The following TBC1D21 variants were observed in gnomAD, a reference collection of about 807,000 sequenced individuals.
TBC1D21 encodes male germ cell Rab GTPase-activating protein.
In TBC1D21, 38 loss-of-function variants were observed where a neutral mutation model predicts 46.0. That is an observed-to-expected ratio of 0.83 (90% confidence interval 0.64 to 1.08). TBC1D21 has a LOEUF of 1.08. TBC1D21 is among the 50% of genes least tolerant of loss of function. The probability of loss-of-function intolerance (pLI) is 0.00; values close to 1 mark genes in which losing one functional copy is unlikely to be tolerated. For missense variants in TBC1D21, 415 were observed against 417.9 expected, an observed-to-expected ratio of 0.99 and a Z score of 0.06; for synonymous variants, 151 against 157.2, an observed-to-expected ratio of 0.96 and a Z score of 0.29.
chr15:73,877,993 C>G (rs2068095728), intron 1 of TBC1D21, among the ~76,000 whole-genome samples: 1 of 152,220 alleles, frequency 6.6e-6, no homozygotes, highest in Non-Finnish European at 1.5e-5. Flanking sequence ...TGCTGCTCCT[C>G]TAAGATGAGG....
chr15:73,875,246 C>CAAA (rs36042249), intron 1 of TBC1D21, among the ~76,000 whole-genome samples: 4 of 102,606 alleles, frequency 3.9e-5, no homozygotes, highest in Non-Finnish European at 5.7e-5. Context: ...GAGACTCCAT[C>CAAA]AAAAAAAAAA....
At position 73,885,062 on chromosome 15, in the gene TBC1D21, C is replaced by T. The variant is rs2068220565; in HGVS notation, c.538C>T (p.His180Tyr). ...MLFQLMVEHDHETFWLFQFFL... is the reference protein window; with the variant it reads ...MLFQLMVEHDYETFWLFQFFL... Reference sequence around the variant, plus strand: ...CTTCCAGCTGATGGTGGAGCACGACCACGAGACCTTCTGGCTTTTCCAGTT... The same window carrying T: ...CTTCCAGCTGATGGTGGAGCACGACTACGAGACCTTCTGGCTTTTCCAGTT... The change falls in exon 6 of 11, where the codon CAC becomes TAC. Residue 180 changes from histidine to tyrosine, a missense_variant. Physicochemically the swap from His to Tyr is moderately conservative, Grantham distance 83 (BLOSUM62 2). Coordinates refer to ENST00000300504, the MANE Select transcript of TBC1D21 (RefSeq NM_153356.3). 1.9e-6 allele frequency: 3 copies of T among 1,613,450 alleles called. No homozygotes were observed. Among genetic ancestry groups the T allele is most frequent in the Admixed American group, 3.3e-5 (2 of 59,988 alleles).
Position 73,881,626 on chromosome 15 carries a change from C to T in TBC1D21, c.169-18C>T. ...CATCGATAGAGCCCATGACCTCCAC[C>T]TCCCACCCCCACCCCAGGGTCTGCA... On this transcript the variant is annotated intron_variant, in intron 2 of 10. Transcript: ENST00000300504. The T allele has an allele frequency of 1.2e-6, 2 of 1,611,770 alleles. No homozygotes were observed. The highest frequency in any genetic ancestry group is 2.2e-5 in the East Asian group (1 of 44,810).
intron 1 of TBC1D21, among the ~76,000 whole-genome samples, chr15:73,878,626 T>C (rs1231088951): frequency 6.6e-6 from 1 of 152,170 alleles, no homozygotes; most frequent in Non-Finnish European, 1.5e-5. Flanking sequence ...TTAAAAGACC[T>C]ACATAAACAG....
chr15:73,889,063 C>T lies in TBC1D21; in HGVS notation c.979-6C>T, dbSNP rs550449509. The T allele has an allele frequency of 1.2e-6, 2 of 1,613,516 alleles. No homozygotes were observed. Among genetic ancestry groups the T allele is most frequent in the Admixed American group, 1.7e-5 (1 of 59,960 alleles). On this transcript the variant is annotated splice_polypyrimidine_tract_variant and splice_region_variant and intron_variant, in intron 10 of 10. Coordinates refer to ENST00000300504, the MANE Select transcript of TBC1D21 (RefSeq NM_153356.3). ...TCTGTGCACCTCCCACCTGCCTCCT[C>T]CCTAGGTTCCTCAGACATTAAAGGA... is the stretch of plus-strand genomic sequence containing the variant.
the TBC1D21 span, among the ~76,000 whole-genome samples, chr15:73,897,799 C>G: frequency 1.3e-5 from 2 of 152,232 alleles, no homozygotes; most frequent in East Asian, 1.9e-4. Flanking sequence ...AGAGGCCCTA[C>G]GCCTTGTACT....
At chr15:73,887,228 T>C (rs1427801605) in intron 8 of TBC1D21, among the ~76,000 whole-genome samples, 1 of 152,196 alleles carries the variant, frequency 6.6e-6, no homozygotes, top group East Asian at 1.9e-4. Flanking sequence ...CCCAAGTCCA[T>C]GACCACACCC....
the TBC1D21 span, among the ~76,000 whole-genome samples, chr15:73,905,638 C>T: frequency 1.3e-5 from 2 of 152,234 alleles, no homozygotes; most frequent in African/African-American, 4.8e-5. Flanking sequence ...TGGAAATTGG[C>T]AACTGCTACA....
At chr15:73,908,752 C>T in the TBC1D21 span, among the ~76,000 whole-genome samples, 4 of 152,230 alleles carry the variant, frequency 2.6e-5, no homozygotes, top group Admixed American at 6.5e-5. Flanking sequence ...CCTGTGGTGG[C>T]ACAGCTGGTG....
intron 1 of TBC1D21, among the ~76,000 whole-genome samples, chr15:73,878,829 G>C (rs750381924): frequency 2.6e-5 from 4 of 152,234 alleles, no homozygotes; most frequent in Non-Finnish European, 5.9e-5. Flanking sequence ...AGGATCCCGG[G>C]ACACAGCCCA....
At chr15:73,876,943 G>A (rs2068078400) in intron 1 of TBC1D21, among the ~76,000 whole-genome samples, 2 of 152,000 alleles carry the variant, frequency 1.3e-5, no homozygotes, top group Admixed American at 1.3e-4. Context: ...TTAGGGTTAA[G>A]CCTCTGACTG....
the TBC1D21 span, among the ~76,000 whole-genome samples, chr15:73,899,728 C>T: frequency 6.6e-6 from 1 of 152,124 alleles, no homozygotes; most frequent in Non-Finnish European, 1.5e-5. Context: ...CCATAGAAGT[C>T]TCTGAGCCAG....
At chr15:73,905,840 A>G in the TBC1D21 span, among the ~76,000 whole-genome samples, 26,154 of 152,170 alleles carry the variant, frequency 0.17, 2,823 homozygotes, top group Non-Finnish European at 0.24. Context: ...GGTTTGGGAG[A>G]GTCAACTGAG....
intron 1 of TBC1D21, among the ~76,000 whole-genome samples, chr15:73,874,871 A>C: frequency 6.6e-6 from 1 of 152,152 alleles, no homozygotes; most frequent in Non-Finnish European, 1.5e-5. Flanking sequence ...CACCCTCCAC[A>C]CCTGGGTTGG....
the TBC1D21 span, among the ~76,000 whole-genome samples, chr15:73,904,854 CA>C: frequency 2.0e-5 from 3 of 152,038 alleles, no homozygotes; most frequent in African/African-American, 7.3e-5. Flanking sequence ...ACAGACAAAA[CA>C]AAACACACAG....
intron 3 of TBC1D21, among the ~76,000 whole-genome samples, chr15:73,882,387 C>T (rs1445574317): frequency 1.3e-5 from 2 of 152,206 alleles, no homozygotes; most frequent in Admixed American, 6.5e-5. Flanking sequence ...CCCACTCCTG[C>T]CCCAGCACAG....
chr15:73,900,216 G>A, the TBC1D21 span, among the ~76,000 whole-genome samples: 1 of 152,166 alleles, frequency 6.6e-6, no homozygotes, highest in Admixed American at 6.5e-5. Flanking sequence ...GAGAACCCAG[G>A]CAAGACTTTT....
chr15:73,900,031 C>T, the TBC1D21 span, among the ~76,000 whole-genome samples: 2 of 152,188 alleles, frequency 1.3e-5, no homozygotes, highest in Non-Finnish European at 2.9e-5. Context: ...ACAGCTCCCA[C>T]AGAGGGACTT....
chr15:73,896,672 C>CA, the TBC1D21 span, among the ~76,000 whole-genome samples: 2 of 152,124 alleles, frequency 1.3e-5, no homozygotes, highest in Admixed American at 1.3e-4. Context: ...GTGAGGCCCC[C>CA]AACCACAGGC....
Sources: allele counts gnomAD v4.1 joint callset (sites outside exome capture counted in the v4.1 genomes callset), GRCh38; gene constraint gnomAD v4.1.1; transcripts MANE v1.5; gene names NCBI Gene and HGNC (gene_info 2026-07-23, HGNC 2026-07-21).